The following PCDHGB6 variants were observed in gnomAD, a reference collection of about 807,000 sequenced individuals.
PCDHGB6 encodes protocadherin gamma subfamily B, 6, also known as protocadherin gamma-B6.
PCDHGB6 carries 51 observed loss-of-function variants against 59.1 expected under a neutral mutation model. The observed-to-expected ratio is 0.86, with a 90% CI of 0.69 to 1.09. The LOEUF (loss-of-function observed/expected upper bound fraction) is 1.09. Ranked by LOEUF, PCDHGB6 falls within the 50% of genes least tolerant of loss-of-function variation. PCDHGB6 has a pLI of 0.00. For missense variants in PCDHGB6, 1,148 were observed against 1,205.1 expected, an observed-to-expected ratio of 0.95 and a Z score of 0.70; for synonymous variants, 466 against 495.1, an observed-to-expected ratio of 0.94 and a Z score of 0.78.
chr5:141,409,276 G>T lies in PCDHGB6; in HGVS notation c.1074G>T (p.Glu358Asp). Residue 358 changes from glutamate (E) to aspartate (D), a missense_variant, in exon 1 of 4, where the codon GAG becomes GAT. Physicochemically the swap from Glu to Asp is conservative, Grantham distance 45. Coordinates refer to ENST00000520790, the MANE Select transcript of PCDHGB6 (RefSeq NM_018926.3). ...CTTCTCTCTCTGATCAGATTTTGGA[G>T]AATTCACCTCCAGGAATGGTTGTTG... is the stretch of plus-strand genomic sequence containing the variant. ...IITSLSDQIL[E>D]NSPPGMVVAL... 6.2e-7 allele frequency: 1 copy of T among 1,614,000 alleles called. No homozygotes were observed. Among genetic ancestry groups the T allele is most frequent in the Non-Finnish European group, 8.5e-7 (1 of 1,179,900 alleles).
rs1374190670 is a variant in PCDHGB6 at position 141,487,196 on chromosome 5, G to C, written c.2419-7611G>C. ...GGAAGACACTCATCCAGTTGTCCCAGATCTTCGAGAATCTTCAGCTCCAAG... is the reference window on the plus strand; with the variant it reads ...GGAAGACACTCATCCAGTTGTCCCACATCTTCGAGAATCTTCAGCTCCAAG... On this transcript the variant is annotated intron_variant, in intron 1 of 3. Coordinates refer to ENST00000520790, the MANE Select transcript of PCDHGB6 (RefSeq NM_018926.3). The surrounding 1 kb of genome is among the most constrained non-coding windows in gnomAD (Gnocchi z 5.0). 6.2e-7 allele frequency: 1 copy of C among 1,613,878 alleles called. No homozygotes were observed. Among genetic ancestry groups the C allele is most frequent in the Admixed American group, 1.7e-5 (1 of 60,030 alleles).
Position 141,449,720 on chromosome 5 carries a change from T to C in PCDHGB6, c.2418+39100T>C, listed in dbSNP as rs373093679. 2.4e-4 allele frequency among the ~76,000 whole-genome samples: 36 copies of C among 151,876 alleles called. No individual in the cohort carries two copies. In the East Asian group the frequency reaches 3.1e-3, roughly 13 times the overall value. ...ACACAAACACATTATTTTTATATGA[T>C]ATGATTTTTTTATGACATGATTATT... On this transcript the variant is annotated intron_variant, in intron 1 of 3. Coordinates refer to ENST00000520790, the MANE Select transcript of PCDHGB6 (RefSeq NM_018926.3).
chr5:141,505,832 T>G (rs1006398435), intron 3 of PCDHGB6, among the ~76,000 whole-genome samples: 1 of 152,188 alleles, frequency 6.6e-6, no homozygotes, highest in African/African-American at 2.4e-5. Flanking sequence ...AAACCTCAGT[T>G]TCCTCAGCCT....
In PCDHGB6 at chr5:141,487,869, G is replaced by T; in HGVS notation, c.2419-6938G>T. On this transcript the variant is annotated intron_variant, in intron 1 of 3. Transcript: ENST00000520790. This position sits in a 1 kb window ranked among gnomAD's most constrained non-coding sequence, Gnocchi z 5.0. ...AAATGAAAGTAATTGGTGATCAAGA[G>T]CCAGGCTGTTGTGGAAGCATGATGA... 1.1e-6 allele frequency: 1 copy of T among 871,620 alleles called. No individual in the cohort carries two copies. The highest frequency in any genetic ancestry group is 1.7e-6 in the Non-Finnish European group (1 of 574,346). The allele number at this position is 871,620 out of a possible 1,614,324, so 54.0% of individuals were successfully genotyped here. A position where few individuals can be genotyped will look rare whatever the true frequency, so the allele number is the denominator to read the frequency against.
At chr5:141,441,746 C>CGTCAA in intron 1 of PCDHGB6, 1 of 371,314 alleles carries the variant, frequency 2.7e-6, no homozygotes, top group Non-Finnish European at 5.4e-6. Context: ...TCGCGCTCGG[C>CGTCAA]GTCAACGTGA....
Position 141,476,220 on chromosome 5 carries a change from A to G in PCDHGB6, c.2419-18587A>G, listed in dbSNP as rs770978000. On this transcript the variant is annotated intron_variant, in intron 1 of 3. Coordinates refer to ENST00000520790, the MANE Select transcript of PCDHGB6 (RefSeq NM_018926.3). This position sits in a 1 kb window ranked among gnomAD's most constrained non-coding sequence, Gnocchi z 7.6. Reference sequence around the variant, plus strand: ...AACAAGGCTTCCACGGTCATTCACTATGAGATCCCGGAGGAAAGAGAGAAG... The same window carrying G: ...AACAAGGCTTCCACGGTCATTCACTGTGAGATCCCGGAGGAAAGAGAGAAG... 44 of 1,613,884 alleles carry G rather than the reference A, an allele frequency of 2.7e-5. No individual in the cohort carries two copies. The highest frequency in any genetic ancestry group is 3.4e-5 in the Non-Finnish European group (40 of 1,180,004).
intron 1 of PCDHGB6, chr5:141,417,070 G>A (rs1324168481): frequency 6.6e-6 from 1 of 151,864 alleles, no homozygotes; most frequent in Non-Finnish European, 1.5e-5. Flanking sequence ...TGTAGCTATT[G>A]TGAGAAAATA....
At position 141,487,100 on chromosome 5, in the gene PCDHGB6, C is replaced by T. The variant is rs183291629; in HGVS notation, c.2419-7707C>T. On this transcript the variant is annotated intron_variant, in intron 1 of 3. Coordinates refer to ENST00000520790, the MANE Select transcript of PCDHGB6 (RefSeq NM_018926.3). The surrounding 1 kb of genome is among the most constrained non-coding windows in gnomAD (Gnocchi z 5.0). ...CCCAGCTGACCTCCCACCACAGAAG[C>T]TGGTCATTGTGGTAAAGGATAGTGG... The T allele has an allele frequency of 5.6e-4, 909 of 1,614,074 alleles. 2 individuals carry two copies. Among genetic ancestry groups the T allele is most frequent in the Non-Finnish European group, 1.4e-4 (168 of 1,179,960 alleles).
intron 1 of PCDHGB6, chr5:141,415,906 A>C (rs2154546200): frequency 1.3e-6 from 1 of 784,990 alleles, no homozygotes; most frequent in East Asian, 3.5e-5. Context: ...ACAGACTTCC[A>C]TACAGAAGTG....
At chr5:141,423,742 A>C in intron 1 of PCDHGB6, 1 of 514,328 alleles carries the variant, frequency 1.9e-6, no homozygotes, top group Non-Finnish European at 2.4e-6. Context: ...CCTGTTATGA[A>C]AACTGTTTGG....
intron 1 of PCDHGB6, among the ~76,000 whole-genome samples, chr5:141,467,951 A>G (rs2099155044): frequency 6.6e-6 from 1 of 151,944 alleles, no homozygotes; most frequent in East Asian, 1.9e-4. Context: ...GAGCCACCAC[A>G]CCCGGCTGCC....
chr5:141,512,942 C>T lies in PCDHGB6; in HGVS notation c.*1769C>T, dbSNP rs1596321854. 3.3e-5 allele frequency: 5 copies of T among 151,644 alleles called. No individual in the cohort carries two copies. The South Asian group carries it at 1.0e-3, about 32-fold the overall frequency. The allele number at this position is 151,644 out of a possible 1,614,324, so 9.4% of individuals were successfully genotyped here. On this transcript the variant is annotated 3_prime_UTR_variant, in exon 4 of 4. Transcript: ENST00000520790. Reference sequence around the variant, plus strand: ...TAATATTTATATGGCTTTTTTTCTTCGACAAAAAAATAATAAAACGTTTCT... The same window carrying T: ...TAATATTTATATGGCTTTTTTTCTTTGACAAAAAAATAATAAAACGTTTCT...
chr5:141,415,227 T>A, intron 1 of PCDHGB6: 2 of 1,614,126 alleles, frequency 1.2e-6, no homozygotes, highest in African/African-American at 2.7e-5. Context: ...GCTTCGAGTC[T>A]CCAGCTAACT....
chr5:141,450,207 A>AAGG (rs1164364390), intron 1 of PCDHGB6, among the ~76,000 whole-genome samples: 13 of 151,832 alleles, frequency 8.6e-5, no homozygotes, highest in Non-Finnish European at 1.8e-4. Flanking sequence ...TAGTAGAGAC[A>AAGG]AGGTTTCACT....
chr5:141,410,485 A>G lies in PCDHGB6; in HGVS notation c.2283A>G (p.Thr761=). 1.9e-6 allele frequency: 3 copies of G among 1,614,016 alleles called. No homozygotes were observed. Among genetic ancestry groups the G allele is most frequent in the Non-Finnish European group, 1.7e-6 (2 of 1,179,898 alleles). Residue 761 remains threonine (T), a synonymous_variant, in exon 1 of 4, where the codon ACA becomes ACG. Coordinates refer to ENST00000520790, the MANE Select transcript of PCDHGB6 (RefSeq NM_018926.3). ...SYNLCIAHTG[T]KEFNFLKCSV... is the part of the protein sequence containing the mutation. Reference sequence around the variant, plus strand: ...ATCTGTGCATTGCACATACGGGTACAAAAGAGTTTAATTTCCTAAAATGCA... The same window carrying G: ...ATCTGTGCATTGCACATACGGGTACGAAAGAGTTTAATTTCCTAAAATGCA...
intron 1 of PCDHGB6, among the ~76,000 whole-genome samples, chr5:141,471,978 A>C (rs1246474598): frequency 1.3e-5 from 2 of 152,184 alleles, no homozygotes; most frequent in African/African-American, 4.8e-5. Flanking sequence ...TTACTGTATA[A>C]ATTTATTAAA....
rs1251686604 is a variant in PCDHGB6 at position 141,485,257 on chromosome 5, T to C, written c.2419-9550T>C. ...TCTTTTACCACCTGGGTTACGTTTG[T>C]GGGCAGATCCGCTACCCGGTCCCAG... is the stretch of plus-strand genomic sequence containing the variant. On this transcript the variant is annotated intron_variant, in intron 1 of 3. Coordinates refer to ENST00000520790, the MANE Select transcript of PCDHGB6 (RefSeq NM_018926.3). This position sits in a 1 kb window ranked among gnomAD's most constrained non-coding sequence, Gnocchi z 5.7. The C allele has an allele frequency of 6.2e-7, 1 of 1,614,154 alleles. No homozygotes were observed.
At chr5:141,474,252 A>T (rs1381172188) in intron 1 of PCDHGB6, among the ~76,000 whole-genome samples, 1 of 152,200 alleles carries the variant, frequency 6.6e-6, no homozygotes, top group Non-Finnish European at 1.5e-5. Flanking sequence ...GGAAAAAAAG[A>T]CTGATAAACC....
At position 141,487,760 on chromosome 5, in the gene PCDHGB6, G is replaced by T; in HGVS notation, c.2419-7047G>T. On this transcript the variant is annotated intron_variant, in intron 1 of 3. Transcript: ENST00000520790. The surrounding 1 kb of genome is among the most constrained non-coding windows in gnomAD (Gnocchi z 5.0). Reference sequence around the variant, plus strand: ...TGTAAGAGGTAACTATGTGGTAGACGCTGTGCTTTGTAACTGTTTCGTGAA... The same window carrying T: ...TGTAAGAGGTAACTATGTGGTAGACTCTGTGCTTTGTAACTGTTTCGTGAA... 1 of 1,545,950 alleles carries T rather than the reference G, an allele frequency of 6.5e-7. No individual in the cohort carries two copies. The highest frequency in any genetic ancestry group is 1.4e-5 in the African/African-American group (1 of 73,162).
Sources: allele counts gnomAD v4.1 joint callset (sites outside exome capture counted in the v4.1 genomes callset), GRCh38; gene constraint gnomAD v4.1.1; non-coding constraint Gnocchi (gnomAD v3.1); transcripts MANE v1.5; gene names NCBI Gene and HGNC (gene_info 2026-07-23, HGNC 2026-07-21).